The following C3 variants were observed in gnomAD, a reference collection of about 807,000 sequenced individuals.
The protein encoded by C3 is complement C3, also known as C3 and PZP-like alpha-2-macroglobulin domain-containing protein 1.
A neutral mutation model predicts 207.9 loss-of-function variants in C3; 97 were observed. The ratio of observed to expected loss-of-function variants is 0.47; its 90% CI spans 0.40 to 0.55. The LOEUF is 0.55. C3 is among the 20% of genes least tolerant of loss of function. C3 has a pLI of 0.00. For synonymous variants in C3, 848 were observed against 857.6 expected, an observed-to-expected ratio of 0.99 and a Z score of 0.20; for missense variants, 1,684 against 2,171.7, an observed-to-expected ratio of 0.78 and a Z score of 4.46.
At position 6,713,431 on chromosome 19, in the gene C3, C is replaced by T. The variant is rs566339606; in HGVS notation, c.852G>A (p.Leu284=). 7.4e-6 allele frequency: 12 copies of T among 1,613,908 alleles called. No individual in the cohort carries two copies. The highest frequency in any genetic ancestry group is 1.6e-4 in the Middle Eastern group (1 of 6,062). The change falls in exon 8 of 41, where the codon CTG becomes CTA. Residue 284 remains leucine, a synonymous_variant. Transcript: ENST00000245907. ...CCGGAATGCGCTTGAGGGATTCAGG[C>T]AGGGAAATCCTCTGTTCGCCATCCT... The part of the protein sequence containing the change: ...GIQDGEQRIS[L]PESLKRIPIE...
chr19:6,697,094 TA>T (rs1380319560), intron 21 of C3, among the ~76,000 whole-genome samples: 1 of 141,794 alleles, frequency 7.1e-6, no homozygotes, highest in Non-Finnish European at 1.6e-5. Context: ...AAATCGAGTA[TA>T]AAAAAATTAT....
In C3 at chr19:6,683,446, A is replaced by ATTTTTTTTTTTTTTTTTTT. The variant is rs770744810; in HGVS notation, c.4172+923_4172+941dup. 4.7e-4 allele frequency: 44 copies of ATTTTTTTTTTTTTTTTTTT among 93,428 alleles called. 1 individual carries two copies. Among genetic ancestry groups the ATTTTTTTTTTTTTTTTTTT allele is most frequent in the Non-Finnish European group, 6.5e-4 (33 of 51,014 alleles). 5.8% of individuals were successfully genotyped at this position (93,428 alleles called of 1,614,324 possible). ...CTGTATCTTTATTTTGTTTTATTCTATTTTTTTTTTTTTTTTTTTTTTGAG... is the reference window on the plus strand; with the variant it reads ...CTGTATCTTTATTTTGTTTTATTCTATTTTTTTTTTTTTTTTTTTTTTTTTTTTTTTTTTTTTTTTTGAG... On this transcript the variant is annotated intron_variant, in intron 33 of 40. Transcript: ENST00000245907.
Position 6,719,380 on chromosome 19 carries a change from A to G in C3, c.98T>C (p.Ile33Thr). 2 of 1,613,826 alleles carry G rather than the reference A, an allele frequency of 1.2e-6. No homozygotes were observed. The highest frequency in any genetic ancestry group is 8.5e-7 in the Non-Finnish European group (1 of 1,179,908). The change falls in exon 2 of 41, where the codon ATC becomes ACC. Residue 33 changes from isoleucine (I) to threonine (T), a missense_variant. Ile to Thr is a moderately conservative substitution (Grantham distance 89). Around this residue, in one of 3 missense-constraint regions of C3, gnomAD observed 58 missense variants for 52.5 expected, o/e 1.10. Transcript: ENST00000245907. This position sits in a 1 kb window ranked among gnomAD's most constrained non-coding sequence, Gnocchi z 5.4. Reference protein sequence around the residue: ...SPMYSIITPNILRLESEETMV... With the variant: ...SPMYSIITPNTLRLESEETMV... The stretch of plus-strand genomic sequence containing the variant: ...GGTCTCCTCGCTCTCCAGCCGCAAG[A>G]TGTTGGGGGTGATGATAGAGTACCT...
At position 6,682,142 on chromosome 19, in the gene C3, C is replaced by T; in HGVS notation, c.4260G>A (p.Gln1420=). 5 of 1,613,420 alleles carry T rather than the reference C, an allele frequency of 3.1e-6. No homozygotes were observed. Among genetic ancestry groups the T allele is most frequent in the Non-Finnish European group, 4.2e-6 (5 of 1,179,306 alleles). Reference sequence around the variant, plus strand: ...ATCCCAGCTCCTGAGCCCTTCATACCTGCTTCAGGTCATCTGTGTCTGGAG... The same window carrying T: ...ATCCCAGCTCCTGAGCCCTTCATACTTGCTTCAGGTCATCTGTGTCTGGAG... ...GFAPDTDDLK[Q]LANGVDRYIS... is the part of the protein sequence containing the mutation. The change falls in exon 34 of 41, where the codon CAG becomes CAA. Residue 1420 remains glutamine, a splice_region_variant and synonymous_variant. Coordinates refer to ENST00000245907, the MANE Select transcript of C3 (RefSeq NM_000064.4).
chr19:6,692,794 CA>C (rs1918198747), intron 26 of C3, 129 bp downstream of exon 26: 1 of 1,168,914 alleles, frequency 8.6e-7, no homozygotes. Context: ...TGCCTGCCCC[CA>C]CCCCCCAGCC....
At chr19:6,697,073 TAAAAAA>T (rs1967554468) in intron 21 of C3, among the ~76,000 whole-genome samples, 3 of 75,560 alleles carry the variant, frequency 4.0e-5, no homozygotes, top group Non-Finnish European at 7.6e-5. Context: ...AATAAATAAA[TAAAAAA>T]TTTCAAATCG....
At chr19:6,706,684 G>A (rs1178594659) in intron 17 of C3, among the ~76,000 whole-genome samples, 1 of 34,888 alleles carries the variant, frequency 2.9e-5, no homozygotes, top group Non-Finnish European at 5.7e-5. Context: ...TCCTCCCCCC[G>A]AGACAGAGGC....
intron 26 of C3, 117 bp from the exon 27 acceptor site, chr19:6,690,844 G>GTT: frequency 1.3e-6 from 1 of 766,152 alleles, no homozygotes; most frequent in South Asian, 1.5e-5. Context: ...TCTTCTAGGT[G>GTT]TTACCCCGCT....
chr19:6,694,778 G>A lies in C3; in HGVS notation c.2951-144C>T. The stretch of plus-strand genomic sequence containing the variant: ...ACTGGGGAGGATGTGACTGCGGGGA[G>A]GGGAGGCTGCATGGCTGAGTGGCTG... On this transcript the variant is annotated intron_variant, in intron 23 of 40. Transcript: ENST00000245907. 1.1e-5 allele frequency: 8 copies of A among 716,190 alleles called. No homozygotes were observed. The South Asian group carries it at 1.3e-4, about 11-fold the overall frequency. The allele number at this position is 716,190 out of a possible 1,614,324, so 44.4% of individuals were successfully genotyped here.
At position 6,707,521 on chromosome 19, in the gene C3, C is replaced by T. The variant is rs1482345328; in HGVS notation, c.1992G>A (p.Gln664=). The change falls in exon 16 of 41, where the codon CAG becomes CAA. Residue 664 remains glutamine (Q), a synonymous_variant. Transcript: ENST00000245907. ...TAQRAELQCP[Q]PAARRRRSVQ... ...CGGAACGGCGTCGGCGGGCGGCTGG[C>T]TGCGGGCACTGAAGTTCTGCAGGGC... 1 of 1,614,050 alleles carries T rather than the reference C, an allele frequency of 6.2e-7. No homozygotes were observed. The highest frequency in any genetic ancestry group is 1.1e-5 in the South Asian group (1 of 91,084).
intron 27 of C3, among the ~76,000 whole-genome samples, chr19:6,689,287 A>ACC (rs1918090314): frequency 2.0e-5 from 2 of 101,624 alleles, no homozygotes; most frequent in Non-Finnish European, 4.0e-5. Context: ...GATTTGTCTG[A>ACC]CCCCACCTCT....
chr19:6,712,460 G>C (rs746207378), intron 10 of C3, 48 bp downstream of exon 10: 3 of 1,614,084 alleles, frequency 1.9e-6, no homozygotes, highest in South Asian at 2.2e-5. Context: ...GGCTGTGGCC[G>C]GTGTCCCCGA....
At position 6,711,211 on chromosome 19, in the gene C3, A is replaced by G; in HGVS notation, c.1270-15T>C. ...TTCGTGCGCACCTGGGTGGGGAAAG[A>G]GGGATGCCTGCTGGTCGCCGCCCGA... On this transcript the variant is annotated splice_polypyrimidine_tract_variant and intron_variant, in intron 11 of 40. Coordinates refer to ENST00000245907, the MANE Select transcript of C3 (RefSeq NM_000064.4). 6.2e-7 allele frequency: 1 copy of G among 1,608,452 alleles called. No individual in the cohort carries two copies. The highest frequency in any genetic ancestry group is 8.5e-7 in the Non-Finnish European group (1 of 1,178,548).
Position 6,696,643 on chromosome 19 carries a change from A to C in C3, c.2813T>G (p.Met938Arg), listed in dbSNP as rs1599509246. 1 of 1,614,092 alleles carries C rather than the reference A, an allele frequency of 6.2e-7. No homozygotes were observed. Among genetic ancestry groups the C allele is most frequent in the Non-Finnish European group, 8.5e-7 (1 of 1,180,014 alleles). The change falls in exon 22 of 41, where the codon ATG becomes AGG. Residue 938 changes from methionine to arginine, a missense_variant. Met to Arg is a moderately conservative substitution (Grantham distance 91). Transcript: ENST00000245907. ...SLKVVPEGIR[M>R]NKTVAVRTLD... The stretch of plus-strand genomic sequence containing the variant: ...GGTGCGAACAGCCACAGTTTTGTTC[A>C]TTCTGATTCCTTCCGGCTACGCAGT...
rs777457996 is a variant in C3, at chr19:6,700,553, AATAT to A, written c.2440+1570_2440+1573del. On this transcript the variant is annotated intron_variant, in intron 19 of 40. Transcript: ENST00000245907. Reference sequence around the variant, plus strand: ...ATGATATATTATATATGTAATATATAATATATGTAATATATGATATATTATATAT... The same window carrying A: ...ATGATATATTATATATGTAATATATAATGTAATATATGATATATTATATAT... Among the ~76,000 whole-genome samples, 6 of 19,320 alleles carry A rather than the reference AATAT, an allele frequency of 3.1e-4. 2 individuals are homozygous for A. Among genetic ancestry groups the A allele is most frequent in the African/African-American group, 1.6e-3 (6 of 3,732 alleles). The allele number at this position is 19,320 out of a possible 152,430, so 12.7% of individuals were successfully genotyped here.
Position 6,686,809 on chromosome 19 carries a change from C to A in C3, c.3583G>T (p.Ala1195Ser). The A allele has an allele frequency of 1.9e-6, 3 of 1,614,246 alleles. No homozygotes were observed. Among genetic ancestry groups the A allele is most frequent in the Non-Finnish European group, 2.5e-6 (3 of 1,180,056 alleles). ...RSYTVAIAGY[A>S]LAQMGRLKGP... ...TTCAGCCTGCCCATCTGGGCCAGAG[C>A]ATAGCCAGCAATGGCCACAGTGTAG... Residue 1195 changes from alanine (A) to serine (S), a missense_variant, in exon 28 of 41, where the codon GCT becomes TCT. Physicochemically the swap from Ala to Ser is moderately conservative, Grantham distance 99. Around this residue, in one of 3 missense-constraint regions of C3, gnomAD observed 1,280 missense variants for 1,739.1 expected, o/e 0.74. Transcript: ENST00000245907.
chr19:6,691,900 T>C (rs1459164768), intron 26 of C3, among the ~76,000 whole-genome samples: 3 of 151,502 alleles, frequency 2.0e-5, no homozygotes, highest in Non-Finnish European at 4.4e-5. Context: ...GGTAGGAGAA[T>C]TGCTTGAACC....
intron 15 of C3, 121 bp downstream of exon 15, chr19:6,707,679 T>G: frequency 6.5e-7 from 1 of 1,528,746 alleles, no homozygotes; most frequent in Non-Finnish European, 9.0e-7. Flanking sequence ...GGGAGGGATT[T>G]ACTAGGTGGT....
At position 6,677,815 on chromosome 19, in the gene C3, G is replaced by A; in HGVS notation, c.*67C>T. On this transcript the variant is annotated 3_prime_UTR_variant, in exon 41 of 41. Transcript: ENST00000245907. The stretch of plus-strand genomic sequence containing the variant: ...CTGGGGATTTCAGCCTCTCCCTCTT[G>A]GCAAAGAACTCCAGACACGTGAGAT... 1 of 1,597,680 alleles carries A rather than the reference G, an allele frequency of 6.3e-7. No individual in the cohort carries two copies. Among genetic ancestry groups the A allele is most frequent in the Non-Finnish European group, 8.6e-7 (1 of 1,168,824 alleles).
Sources: gnomAD v4.1 joint callset for allele counts (sites outside exome capture counted in the v4.1 genomes callset) on GRCh38, gnomAD v4.1.1 for gene constraint, gnomAD v4.1.1 regional missense constraint, Gnocchi (gnomAD v3.1) non-coding constraint, MANE v1.5 for transcripts, NCBI Gene and HGNC (gene_info 2026-07-23, HGNC 2026-07-21) for gene names.